RREB1: variants seen among roughly 807,000 people sequenced by gnomAD.
RREB1 encodes the protein ras-responsive element-binding protein 1.
RREB1 carries 27 observed loss-of-function variants against 117.8 expected under a neutral mutation model. That is an observed-to-expected ratio of 0.23 (90% CI 0.17 to 0.32). The LOEUF (loss-of-function observed/expected upper bound fraction) is 0.32, where lower values mean the gene tolerates loss of function less well. RREB1 is among the 10% of genes least tolerant of loss of function. RREB1 has a pLI of 1.00. For missense variants in RREB1, 2,577 were observed against 2,378.2 expected (o/e 1.08, Z -1.74); for synonymous variants, 1,298 against 1,026.7 (o/e 1.26, Z -5.05).
intron 6 of RREB1, among the ~76,000 whole-genome samples, chr6:7,203,261 T>A (rs1183398756): frequency 1.3e-5 from 2 of 152,144 alleles, no homozygotes; most frequent in African/African-American, 4.8e-5. Flanking sequence ...CAAGAGAATG[T>A]CATCCCTCAA....
At chr6:7,116,381 C>T (rs1761398882) in intron 1 of RREB1, among the ~76,000 whole-genome samples, 1 of 152,128 alleles carries the variant, frequency 6.6e-6, no homozygotes, top group Non-Finnish European at 1.5e-5. Flanking sequence ...TAAATACTAC[C>T]TCTTCTATGG....
intron 1 of RREB1, among the ~76,000 whole-genome samples, chr6:7,126,103 G>A (rs943691693): frequency 6.6e-6 from 1 of 152,178 alleles, no homozygotes; most frequent in African/African-American, 2.4e-5. Context: ...CCGGGTTCAA[G>A]TGATTCTCCT....
chr6:7,239,623 A>G (rs1768562888), intron 10 of RREB1, among the ~76,000 whole-genome samples: 1 of 152,204 alleles, frequency 6.6e-6, no homozygotes, highest in Non-Finnish European at 1.5e-5. Flanking sequence ...TGCGTTTGGG[A>G]TGGGTCTAGG....
At chr6:7,136,604 A>G (rs1250666756) in intron 1 of RREB1, among the ~76,000 whole-genome samples, 1 of 152,208 alleles carries the variant, frequency 6.6e-6, no homozygotes, top group Non-Finnish European at 1.5e-5. Flanking sequence ...GGAGGTCATG[A>G]ATATATAATT....
chr6:7,210,877 C>T lies in RREB1; in HGVS notation c.499C>T (p.Arg167Ter), dbSNP rs1298135588. 1 of 1,613,890 alleles carries T rather than the reference C, an allele frequency of 6.2e-7. No homozygotes were observed. Among genetic ancestry groups the T allele is most frequent in the Non-Finnish European group, 8.5e-7 (1 of 1,179,872 alleles). ...TAPPSPLKRR[R>*]LSSKRKLSHD... ...CCCTCCATCTCCTCTGAAACGTAGG[C>T]GATTGTCCTCCAAGAGGAAACTGAG... Residue 167 changes from arginine (R) to a stop codon, truncating the protein, a stop_gained, in exon 7 of 13, where the codon CGA (arginine) becomes TGA (stop). Transcript: ENST00000379938. LOFTEE classifies it high-confidence loss of function.
At chr6:7,209,190 TG>T (rs1340359344) in intron 6 of RREB1, among the ~76,000 whole-genome samples, 25 of 152,260 alleles carry the variant, frequency 1.6e-4, no homozygotes, top group Non-Finnish European at 3.1e-4. Flanking sequence ...GCTCATGAAC[TG>T]TTTACAGTTG....
chr6:7,193,017 T>G (rs1452094735), intron 6 of RREB1, among the ~76,000 whole-genome samples: 2 of 152,238 alleles, frequency 1.3e-5, no homozygotes, highest in African/African-American at 2.4e-5. Context: ...TTTTCTAATT[T>G]CCCTTGTGAG....
intron 10 of RREB1, among the ~76,000 whole-genome samples, chr6:7,239,963 G>C (rs1768588513): frequency 2.0e-5 from 3 of 152,214 alleles, no homozygotes; most frequent in Admixed American, 6.5e-5. Context: ...GGCTGTCCCT[G>C]ACTTCTTCTC....
intron 1 of RREB1, among the ~76,000 whole-genome samples, chr6:7,139,725 C>A (rs1250917237): frequency 6.6e-6 from 1 of 152,036 alleles, no homozygotes; most frequent in Non-Finnish European, 1.5e-5. Context: ...TATTTGTGTT[C>A]AAAATTTTCC....
intron 1 of RREB1, among the ~76,000 whole-genome samples, chr6:7,125,776 T>G (rs1761878062): frequency 6.6e-6 from 1 of 152,058 alleles, no homozygotes; most frequent in African/African-American, 2.4e-5. Context: ...CTTTGTTGTT[T>G]TACTTTTCAA....
rs1347346169 is a variant in RREB1, at chr6:7,229,899, C to T, written c.1800C>T (p.Ser600=). The change falls in exon 10 of 13, where the codon AGC becomes AGT. Residue 600 remains serine (S), a synonymous_variant. Transcript: ENST00000379938. This position sits in a 1 kb window ranked among gnomAD's most constrained non-coding sequence, Gnocchi z 4.5. ...PEMKTQLEQD[S]IIEALLPLSM... The stretch of plus-strand genomic sequence containing the variant: ...TGAAGACGCAGCTGGAGCAGGACAG[C>T]ATCATCGAGGCCCTGCTGCCGCTGA... 1.9e-6 allele frequency: 3 copies of T among 1,603,660 alleles called. No individual in the cohort carries two copies. Among genetic ancestry groups the T allele is most frequent in the Non-Finnish European group, 2.6e-6 (3 of 1,172,836 alleles).
chr6:7,119,487 G>A (rs1761570659), intron 1 of RREB1, among the ~76,000 whole-genome samples: 1 of 152,206 alleles, frequency 6.6e-6, no homozygotes, highest in Non-Finnish European at 1.5e-5. Context: ...AAGGCACCTT[G>A]TGGAAGTGAC....
intron 1 of RREB1, among the ~76,000 whole-genome samples, chr6:7,159,599 C>T (rs181383392): frequency 6.6e-6 from 1 of 152,248 alleles, no homozygotes; most frequent in East Asian, 1.9e-4. Context: ...TATCAAAACG[C>T]TGATGAGATG....
intron 8 of RREB1, chr6:7,218,628 C>T (rs1010828191): frequency 7.9e-5 from 12 of 152,180 alleles, no homozygotes; most frequent in Admixed American, 5.2e-4. Flanking sequence ...ATTCCCTTTT[C>T]AGGGCTGATG....
intron 1 of RREB1, among the ~76,000 whole-genome samples, chr6:7,148,551 GT>G (rs1762975247): frequency 6.8e-6 from 1 of 146,414 alleles, no homozygotes; most frequent in Non-Finnish European, 1.5e-5. Flanking sequence ...GTGGGGGGGG[GT>G]GGGTATGTCA....
intron 1 of RREB1, among the ~76,000 whole-genome samples, chr6:7,113,075 G>T (rs1761223753): frequency 6.6e-6 from 1 of 152,164 alleles, no homozygotes; most frequent in Non-Finnish European, 1.5e-5. Context: ...GGTGGAGATT[G>T]TTTGTTCAGT....
Position 7,230,137 on chromosome 6 carries a change from G to C in RREB1, c.2038G>C (p.Ala680Pro). The part of the protein sequence containing the change: ...PYQCNICDYI[A>P]ADKAALIRHL... ...CCAGTGCAACATCTGCGACTACATC[G>C]CCGCCGACAAGGCCGCGCTCATCCG... The change falls in exon 10 of 13, where the codon GCC (alanine) becomes CCC (proline). Residue 680 changes from alanine (A) to proline (P), a missense_variant. Ala to Pro is a conservative substitution (Grantham distance 27). Coordinates refer to ENST00000379938, the MANE Select transcript of RREB1 (RefSeq NM_001003699.4). The C allele has an allele frequency of 6.2e-7, 1 of 1,604,746 alleles. No individual in the cohort carries two copies. The highest frequency in any genetic ancestry group is 8.5e-7 in the Non-Finnish European group (1 of 1,177,464).
In RREB1 at chr6:7,240,593, G is replaced by A. The variant is rs374925186; in HGVS notation, c.3964G>A (p.Asp1322Asn). 3 of 1,612,336 alleles carry A rather than the reference G, an allele frequency of 1.9e-6. No homozygotes were observed. Among genetic ancestry groups the A allele is most frequent in the South Asian group, 2.2e-5 (2 of 90,778 alleles). The change falls in exon 11 of 13, where the codon GAT becomes AAT. Residue 1322 changes from aspartate to asparagine, a missense_variant. Transcript: ENST00000379938. The part of the protein sequence containing the change: ...QSKESDVGSH[D>N]STDSQSDAET... ...AAAAGAGAGTGATGTTGGATCCCAT[G>A]ATAGCACAGGTAGTGCCGCCAGGTG...
At chr6:7,119,191 A>C (rs1343170568) in intron 1 of RREB1, among the ~76,000 whole-genome samples, 1 of 152,018 alleles carries the variant, frequency 6.6e-6, no homozygotes, top group Non-Finnish European at 1.5e-5. Context: ...TCTTTACTAA[A>C]AACACAAAAA....
Sources: gnomAD v4.1 joint callset for allele counts (sites outside exome capture counted in the v4.1 genomes callset) on GRCh38, gnomAD v4.1.1 for gene constraint, Gnocchi (gnomAD v3.1) non-coding constraint, MANE v1.5 for transcripts, NCBI Gene and HGNC (gene_info 2026-07-23, HGNC 2026-07-21) for gene names.